CHD5: variants seen among roughly 807,000 people sequenced by gnomAD.
The protein encoded by CHD5 is chromodomain helicase DNA binding protein 5.
Under a neutral mutation model 230.3 loss-of-function variants are expected in CHD5, and 69 were observed. The observed-to-expected ratio is 0.30, with a 90% CI of 0.25 to 0.37. CHD5 has a LOEUF of 0.37. CHD5 is among the 10% of genes least tolerant of loss of function. The pLI is 1.00. For missense variants in CHD5, 1,827 were observed against 2,622.8 expected (o/e 0.70, Z 6.63); for synonymous variants, 1,064 against 1,065.9 (o/e 1.00, Z 0.03).
In CHD5 at chr1:6,106,526, A is replaced by G. The variant is rs1432722874; in HGVS notation, c.5743-17T>C. The G allele has an allele frequency of 3.2e-6, 5 of 1,550,814 alleles. No individual in the cohort carries two copies. Among genetic ancestry groups the G allele is most frequent in the Non-Finnish European group, 4.4e-6 (5 of 1,147,216 alleles). On this transcript the variant is annotated splice_polypyrimidine_tract_variant and intron_variant, in intron 39 of 41. Transcript: ENST00000262450. ...GAAAGCGCCCTGGAGGCAAGGACTC[A>G]GCTTCACAGGTGGTCTCAGGCCCCC...
At chr1:6,160,888 T>C (rs1475618418) in intron 2 of CHD5, among the ~76,000 whole-genome samples, 2 of 152,200 alleles carry the variant, frequency 1.3e-5, no homozygotes, top group East Asian at 3.9e-4. Flanking sequence ...GGTTTACTTG[T>C]GGCCTTTAGA....
At chr1:6,119,094 G>A (rs886199500) in intron 33 of CHD5, among the ~76,000 whole-genome samples, 15 of 150,506 alleles carry the variant, frequency 1.0e-4, no homozygotes, top group Non-Finnish European at 1.9e-4. Flanking sequence ...AGAAAAAGGC[G>A]TAACAAATAT....
Position 6,126,798 on chromosome 1 carries a change from G to A in CHD5, c.3904-52C>T, listed in dbSNP as rs368528779. Reference sequence around the variant, plus strand: ...TGGGTGGAGCCATCTCTGCCCTCCCGGAAGCCTCAGGCTGCCTCCACCTGA... The same window carrying A: ...TGGGTGGAGCCATCTCTGCCCTCCCAGAAGCCTCAGGCTGCCTCCACCTGA... On this transcript the variant is annotated intron_variant, in intron 25 of 41. Coordinates refer to ENST00000262450, the MANE Select transcript of CHD5 (RefSeq NM_015557.3). This position sits in a 1 kb window ranked among gnomAD's most constrained non-coding sequence, Gnocchi z 5.7. 28 of 1,566,096 alleles carry A rather than the reference G, an allele frequency of 1.8e-5. No homozygotes were observed. The highest frequency in any genetic ancestry group is 1.7e-4 in the Middle Eastern group (1 of 5,924).
Position 6,146,541 on chromosome 1 carries a change from C to A in CHD5, c.1591-118G>T. 7.2e-7 allele frequency: 1 copy of A among 1,389,836 alleles called. No individual in the cohort carries two copies. The highest frequency in any genetic ancestry group is 1.0e-6 in the Non-Finnish European group (1 of 987,682). 86.1% of individuals were successfully genotyped at this position (1,389,836 alleles called of 1,614,324 possible). A position where few individuals can be genotyped will look rare whatever the true frequency, so the allele number is the denominator to read the frequency against. ...CAGGCAGGACAATCCTCCCGCTCAG[C>A]ACCACCCCAACTCCCAACAGCACCC... On this transcript the variant is annotated intron_variant, in intron 10 of 41. Coordinates refer to ENST00000262450, the MANE Select transcript of CHD5 (RefSeq NM_015557.3). The surrounding 1 kb of genome is among the most constrained non-coding windows in gnomAD (Gnocchi z 5.1).
intron 20 of CHD5, among the ~76,000 whole-genome samples, chr1:6,133,842 G>A (rs1666695800): frequency 6.6e-6 from 1 of 152,240 alleles, no homozygotes; most frequent in Non-Finnish European, 1.5e-5. Context: ...AGGCTGCGGG[G>A]GAGAGGGCCA....
intron 2 of CHD5, among the ~76,000 whole-genome samples, chr1:6,164,327 T>G (rs535634280): frequency 1.0e-3 from 159 of 152,328 alleles, no homozygotes; most frequent in African/African-American, 3.6e-3. Context: ...GCCTTCCCAT[T>G]CACGAGTGTT....
At chr1:6,122,745 T>C (rs1666490830) in intron 31 of CHD5, among the ~76,000 whole-genome samples, 1 of 152,046 alleles carries the variant, frequency 6.6e-6, no homozygotes, top group South Asian at 2.1e-4. Flanking sequence ...GACAGCGCAA[T>C]GGATAAGCAA....
intron 6 of CHD5, 119 bp downstream of exon 6, chr1:6,152,293 T>G (rs1571162666): frequency 8.7e-7 from 1 of 1,147,068 alleles, no homozygotes. Flanking sequence ...AGTGGAGGGG[T>G]GCGACCTGCC....
rs1452036228 is a variant in CHD5 at position 6,146,345 on chromosome 1, C to T, written c.1669G>A (p.Gly557Ser). 7 of 1,614,048 alleles carry T rather than the reference C, an allele frequency of 4.3e-6. No individual in the cohort carries two copies. Among genetic ancestry groups the T allele is most frequent in the Middle Eastern group, 1.6e-4 (1 of 6,084 alleles). ...CTCTTGCCGTCTTCATCCCCAGAGC[C>T]GTAGTCAAAGGGGGGCGGCTCATCC... Reference protein sequence around the residue: ...DMDEPPPFDYGSGDEDGKSEK... With the variant: ...DMDEPPPFDYSSGDEDGKSEK... Residue 557 changes from glycine to serine, a missense_variant, in exon 11 of 42, where the codon GGC (glycine) becomes AGC (serine). Transcript: ENST00000262450. The surrounding 1 kb of genome is among the most constrained non-coding windows in gnomAD (Gnocchi z 5.1).
intron 5 of CHD5, among the ~76,000 whole-genome samples, 160 bp from the exon 6 acceptor site, chr1:6,152,696 T>G (rs547995974): frequency 6.6e-6 from 1 of 152,296 alleles, no homozygotes; most frequent in Non-Finnish European, 1.5e-5. Context: ...GTAAACCCCT[T>G]GCTTAAAATC....
Position 6,128,400 on chromosome 1 carries a change from C to T in CHD5, c.3730+99G>A. 1.7e-6 allele frequency: 2 copies of T among 1,175,240 alleles called. No individual in the cohort carries two copies. The highest frequency in any genetic ancestry group is 2.7e-5 in the South Asian group (2 of 75,196). 72.8% of individuals were successfully genotyped at this position (1,175,240 alleles called of 1,614,324 possible). A position where few individuals can be genotyped will look rare whatever the true frequency, so the allele number is the denominator to read the frequency against. On this transcript the variant is annotated intron_variant, in intron 24 of 41. Transcript: ENST00000262450. The surrounding 1 kb of genome is among the most constrained non-coding windows in gnomAD (Gnocchi z 7.8). ...CCCACTCGCCGCCCACCTGGCAGTC[C>T]CAGGACGCCCAAGTGAGGGCAGGTC...
chr1:6,172,507 C>A (rs1667353879), intron 1 of CHD5, among the ~76,000 whole-genome samples: 1 of 152,112 alleles, frequency 6.6e-6, no homozygotes, highest in Non-Finnish European at 1.5e-5. Context: ...CTATTCTTAT[C>A]CCCATCTGCA....
At position 6,128,383 on chromosome 1, in the gene CHD5, C is replaced by T; in HGVS notation, c.3730+116G>A. 9.0e-7 allele frequency: 1 copy of T among 1,111,810 alleles called. No homozygotes were observed. The highest frequency in any genetic ancestry group is 1.3e-6 in the Non-Finnish European group (1 of 759,276). The allele number at this position is 1,111,810 out of a possible 1,614,324, so 68.9% of individuals were successfully genotyped here. On this transcript the variant is annotated intron_variant, in intron 24 of 41. Transcript: ENST00000262450. The surrounding 1 kb of genome is among the most constrained non-coding windows in gnomAD (Gnocchi z 7.8). ...AACTGCGCTGTAACAGCCCCACTCG[C>T]CGCCCACCTGGCAGTCCCAGGACGC...
At chr1:6,157,361 C>T (rs1483621920) in intron 3 of CHD5, among the ~76,000 whole-genome samples, 1 of 152,230 alleles carries the variant, frequency 6.6e-6, no homozygotes, top group Non-Finnish European at 1.5e-5. Flanking sequence ...CACAAGAATG[C>T]TCAGCCATGA....
rs190613815 is a variant in CHD5 at position 6,107,360 on chromosome 1, G to C, written c.5579-581C>G. 1.5e-4 allele frequency among the ~76,000 whole-genome samples: 20 copies of C among 129,330 alleles called. 1 individual carries two copies. The East Asian group carries it at 4.3e-3, about 28-fold the overall frequency. 84.8% of individuals were successfully genotyped at this position (129,330 alleles called of 152,430 possible). ...GTTGGAGGGATGGAGGGATAATGAA[G>C]GAATGATGGAGAGATGGAGGGATGA... is the stretch of plus-strand genomic sequence containing the variant. On this transcript the variant is annotated intron_variant, in intron 38 of 41. Transcript: ENST00000262450.
chr1:6,112,736 T>C (rs1302564426), intron 34 of CHD5, among the ~76,000 whole-genome samples, 173 bp downstream of exon 34: 1 of 152,118 alleles, frequency 6.6e-6, no homozygotes, highest in Non-Finnish European at 1.5e-5. Flanking sequence ...GGAGAGGCTG[T>C]CCCCGGCATT....
chr1:6,167,975 G>A lies in CHD5; in HGVS notation c.207+175C>T, dbSNP rs955486725. 6.6e-6 allele frequency among the ~76,000 whole-genome samples: 1 copy of A among 152,146 alleles called. No individual in the cohort carries two copies. Among genetic ancestry groups the A allele is most frequent in the Non-Finnish European group, 1.5e-5 (1 of 68,030 alleles). ...GACAGCTCAGCAACGTCTTAAAAAG[G>A]CTTCCGTGCACAACGCTTCATACGA... On this transcript the variant is annotated intron_variant, in intron 2 of 41. Transcript: ENST00000262450. The surrounding 1 kb of genome is among the most constrained non-coding windows in gnomAD (Gnocchi z 4.5).
intron 11 of CHD5, among the ~76,000 whole-genome samples, chr1:6,144,398 G>A (rs140357850): frequency 1.3e-5 from 2 of 152,322 alleles, no homozygotes; most frequent in East Asian, 1.9e-4. Flanking sequence ...AGCTAACAGA[G>A]GAGCAATGAG....
Position 6,106,762 on chromosome 1 carries a change from C to A in CHD5, c.5596G>T (p.Glu1866Ter). The A allele has an allele frequency of 1.2e-6, 2 of 1,610,898 alleles. No individual in the cohort carries two copies. The highest frequency in any genetic ancestry group is 2.2e-5 in the East Asian group (1 of 44,794). ...TCGGCCTTCATGTCGCTCAGCAGCT[C>A]CTCCAGCTGGTTCAGGACTGTGGTG... ...VLHKVLNQLE[E>*]LLSDMKADVT... The change falls in exon 39 of 42, where the codon GAG becomes TAG. Residue 1866 changes from glutamate to a stop codon, truncating the protein, a stop_gained. Transcript: ENST00000262450. LOFTEE classifies it high-confidence loss of function.
Sources: allele counts gnomAD v4.1 joint callset (sites outside exome capture counted in the v4.1 genomes callset), GRCh38; gene constraint gnomAD v4.1.1; non-coding constraint Gnocchi (gnomAD v3.1); transcripts MANE v1.5; gene names NCBI Gene and HGNC (gene_info 2026-07-23, HGNC 2026-07-21).